Variants in CSMD1 observed in about 807,000 individuals in gnomAD.
CSMD1 encodes CUB and sushi domain-containing protein 1.
CSMD1 carries 213 observed loss-of-function variants against 417.5 expected under a neutral mutation model. The ratio of observed to expected loss-of-function variants is 0.51; its 90% CI spans 0.46 to 0.57. The LOEUF is 0.57. Ranked by LOEUF, CSMD1 falls within the 20% of genes least tolerant of loss-of-function variation. The pLI is 0.00. For missense variants in CSMD1, 6,923 were observed against 4,529.7 expected, an observed-to-expected ratio of 1.53 and a Z score of -15.17; for synonymous variants, 2,862 against 1,736.8, an observed-to-expected ratio of 1.65 and a Z score of -16.11.
chr8:3,726,433 C>A (rs546672897), intron 6 of CSMD1, among the ~76,000 whole-genome samples: 3 of 152,282 alleles, frequency 2.0e-5, no homozygotes, highest in African/African-American at 7.2e-5. Flanking sequence ...AGATTGGTGA[C>A]AAGGACAGGG....
intron 7 of CSMD1, among the ~76,000 whole-genome samples, chr8:3,677,641 C>T (rs961623378): frequency 3.3e-5 from 5 of 152,176 alleles, no homozygotes; most frequent in Non-Finnish European, 5.9e-5. Context: ...AAACCTCCAG[C>T]TATTGACATG....
At position 4,414,414 on chromosome 8, in the gene CSMD1, A is replaced by C. The variant is rs569695916; in HGVS notation, c.415+5539T>G. 2.0e-5 allele frequency among the ~76,000 whole-genome samples: 3 copies of C among 152,316 alleles called. No individual in the cohort carries two copies. In the East Asian group the frequency reaches 5.8e-4, roughly 29 times the overall value. On this transcript the variant is annotated intron_variant, in intron 3 of 69. Transcript: ENST00000635120. ...ATAGAACTGTAGGCCATTTTCTTTC[A>C]TAAAATAAATGTTCAATGGATTAAT... is the stretch of plus-strand genomic sequence containing the variant.
chr8:3,472,472 C>G (rs549091754), intron 11 of CSMD1, among the ~76,000 whole-genome samples: 1 of 152,018 alleles, frequency 6.6e-6, no homozygotes, highest in Non-Finnish European at 1.5e-5. Flanking sequence ...AGTCTACTAC[C>G]AATCTGTCCC....
intron 12 of CSMD1, among the ~76,000 whole-genome samples, chr8:3,428,321 G>T (rs1441080964): frequency 6.6e-6 from 1 of 152,112 alleles, no homozygotes; most frequent in South Asian, 2.1e-4. Flanking sequence ...AGAGACGAAT[G>T]GCCAGGCCTC....
chr8:4,376,977 C>G (rs1802789721), intron 3 of CSMD1, among the ~76,000 whole-genome samples: 1 of 152,160 alleles, frequency 6.6e-6, no homozygotes, highest in Non-Finnish European at 1.5e-5. Flanking sequence ...TGCTGAGCAC[C>G]AGCATGGCAG....
At chr8:4,337,949 C>G (rs961870440) in intron 3 of CSMD1, among the ~76,000 whole-genome samples, 1 of 152,118 alleles carries the variant, frequency 6.6e-6, no homozygotes, top group Non-Finnish European at 1.5e-5. Flanking sequence ...TCGCATTTCT[C>G]AACCTTTTTA....
At chr8:4,191,054 A>T (rs1024224475) in intron 3 of CSMD1, among the ~76,000 whole-genome samples, 1 of 151,944 alleles carries the variant, frequency 6.6e-6, no homozygotes, top group Admixed American at 6.5e-5. Context: ...ACACCAGTTT[A>T]CCTATGTAAC....
intron 49 of CSMD1, among the ~76,000 whole-genome samples, chr8:3,058,676 G>A (rs1415139575): frequency 6.6e-6 from 1 of 151,860 alleles, no homozygotes; most frequent in Non-Finnish European, 1.5e-5. Flanking sequence ...TCCTGATGAA[G>A]TACATCTGGG....
chr8:3,123,592 C>G (rs1053338244), intron 41 of CSMD1, among the ~76,000 whole-genome samples: 1 of 144,406 alleles, frequency 6.9e-6, no homozygotes, highest in African/African-American at 2.9e-5. Flanking sequence ...CAAATATGAA[C>G]GCTAATAAAA....
At chr8:4,005,117 T>C (rs1383670245) in intron 4 of CSMD1, among the ~76,000 whole-genome samples, 1 of 151,988 alleles carries the variant, frequency 6.6e-6, no homozygotes, top group Non-Finnish European at 1.5e-5. Context: ...AATGATATAA[T>C]GGACTTTGGA....
chr8:3,708,105 G>A (rs953075243), intron 7 of CSMD1, among the ~76,000 whole-genome samples: 8 of 152,146 alleles, frequency 5.3e-5, no homozygotes, highest in Admixed American at 5.2e-4. Flanking sequence ...GTGCAAGGAC[G>A]GAGAGAGACT....
At chr8:4,788,649 A>T in intron 1 of CSMD1, 2 of 685,748 alleles carry the variant, frequency 2.9e-6, no homozygotes, top group South Asian at 2.4e-5. Context: ...GCTGAAGGAA[A>T]ATCAAGCAAT....
At chr8:4,962,240 T>A (rs1326830503) in intron 1 of CSMD1, among the ~76,000 whole-genome samples, 1 of 151,488 alleles carries the variant, frequency 6.6e-6, no homozygotes, top group Non-Finnish European at 1.5e-5. Flanking sequence ...AGACAGAGAC[T>A]CACTCTGTCA....
intron 2 of CSMD1, among the ~76,000 whole-genome samples, chr8:4,509,750 C>T (rs1250734201): frequency 2.0e-5 from 3 of 152,124 alleles, no homozygotes; most frequent in Admixed American, 1.3e-4. Flanking sequence ...TGATGATTTA[C>T]TTAGTTGTCA....
At chr8:3,769,937 A>T (rs1211919110) in intron 5 of CSMD1, among the ~76,000 whole-genome samples, 1 of 152,236 alleles carries the variant, frequency 6.6e-6, no homozygotes, top group Non-Finnish European at 1.5e-5. Flanking sequence ...TCTTTACAAA[A>T]AATAGGCTTT....
At chr8:4,817,135 CATA>C (rs1157332827) in intron 1 of CSMD1, among the ~76,000 whole-genome samples, 8 of 152,036 alleles carry the variant, frequency 5.3e-5, no homozygotes, top group Admixed American at 2.0e-4. Flanking sequence ...AAATACATAT[CATA>C]ATATTTACAT....
intron 10 of CSMD1, among the ~76,000 whole-genome samples, chr8:3,574,542 C>T (rs747175493): frequency 6.6e-6 from 1 of 152,068 alleles, no homozygotes; most frequent in Non-Finnish European, 1.5e-5. Flanking sequence ...CGACTGAGCC[C>T]GGCCAAAAGA....
intron 10 of CSMD1, among the ~76,000 whole-genome samples, chr8:3,545,717 C>T (rs1798630080): frequency 6.6e-6 from 1 of 152,090 alleles, no homozygotes; most frequent in Admixed American, 6.5e-5. Flanking sequence ...AGCCATTTGA[C>T]AAGTAATGGT....
chr8:4,877,910 C>T (rs1232178184), intron 1 of CSMD1, among the ~76,000 whole-genome samples: 1 of 152,032 alleles, frequency 6.6e-6, no homozygotes, highest in Non-Finnish European at 1.5e-5. Context: ...AAGGAAATTT[C>T]CATCATGTAC....
Sources: allele counts gnomAD v4.1 joint callset (sites outside exome capture counted in the v4.1 genomes callset), GRCh38; gene constraint gnomAD v4.1.1; transcripts MANE v1.5; gene names NCBI Gene and HGNC (gene_info 2026-07-23, HGNC 2026-07-21).